Variants in CACNA1E observed in about 807,000 individuals in gnomAD.
CACNA1E encodes the protein calcium voltage-gated channel subunit alpha1 E, also known as voltage-dependent R-type calcium channel subunit alpha-1E.
Under a neutral mutation model 259.2 loss-of-function variants are expected in CACNA1E, and 40 were observed. The observed-to-expected ratio is 0.15, with a 90% CI of 0.12 to 0.20. The LOEUF (loss-of-function observed/expected upper bound fraction) is 0.20. Ranked by LOEUF, CACNA1E falls within the 10% of genes least tolerant of loss-of-function variation. CACNA1E has a pLI of 1.00. For missense variants in CACNA1E, 1,874 were observed against 3,040.1 expected (o/e 0.62, Z 9.02); for synonymous variants, 1,104 against 1,138.5 (o/e 0.97, Z 0.61).
chr1:181,543,988 A>G (rs887940948), intron 3 of CACNA1E, among the ~76,000 whole-genome samples: 2 of 152,202 alleles, frequency 1.3e-5, no homozygotes, highest in Non-Finnish European at 2.9e-5. Context: ...TAAGAGGCAT[A>G]ACATATACCC....
intron 3 of CACNA1E, among the ~76,000 whole-genome samples, chr1:181,550,084 A>G (rs1003332179): frequency 7.4e-4 from 113 of 152,262 alleles, no homozygotes; most frequent in African/African-American, 2.6e-3. Flanking sequence ...TAGGATGACT[A>G]GTTAGGACAC....
chr1:181,792,422 T>C (rs550649016), intron 44 of CACNA1E, among the ~76,000 whole-genome samples: 2 of 152,328 alleles, frequency 1.3e-5, no homozygotes, highest in South Asian at 2.1e-4. Context: ...GCCATGATTG[T>C]GTGTGTGCAT....
chr1:181,756,488 T>C (rs1159041078), intron 29 of CACNA1E, among the ~76,000 whole-genome samples: 1 of 152,110 alleles, frequency 6.6e-6, no homozygotes, highest in East Asian at 1.9e-4. Context: ...AAGAATGAGT[T>C]GGCAAAACCC....
At chr1:181,385,746 T>C (rs1178808469) in intron 1 of CACNA1E, among the ~76,000 whole-genome samples, 1 of 151,792 alleles carries the variant, frequency 6.6e-6, no homozygotes, top group South Asian at 2.1e-4. Context: ...TTCCTTTCCT[T>C]CCTCTTTCCT....
chr1:181,619,488 G>A (rs577183468), intron 6 of CACNA1E, among the ~76,000 whole-genome samples: 1 of 152,126 alleles, frequency 6.6e-6, no homozygotes, highest in Admixed American at 6.5e-5. Flanking sequence ...AACTTGGGGT[G>A]AGTTAGGAAG....
chr1:181,452,880 C>T (rs545747203), intron 2 of CACNA1E, among the ~76,000 whole-genome samples: 1 of 152,308 alleles, frequency 6.6e-6, no homozygotes, highest in South Asian at 2.1e-4. Flanking sequence ...GCCCCAACAC[C>T]CTACCACCTT....
chr1:181,764,788 T>C (rs1658886323), intron 34 of CACNA1E, among the ~76,000 whole-genome samples: 1 of 152,228 alleles, frequency 6.6e-6, no homozygotes, highest in Non-Finnish European at 1.5e-5. Flanking sequence ...TAAAACCTTT[T>C]TTTTTTAGAG....
At chr1:181,739,126 G>T (rs745528290) in intron 24 of CACNA1E, 21 bp from the exon 25 acceptor site, 2 of 1,453,378 alleles carry the variant, frequency 1.4e-6, no homozygotes, top group Non-Finnish European at 1.9e-6. Flanking sequence ...GCTCACTGTG[G>T]CTGTTCATAT....
chr1:181,678,513 T>A (rs947301327), intron 7 of CACNA1E, among the ~76,000 whole-genome samples: 1 of 152,184 alleles, frequency 6.6e-6, no homozygotes. Context: ...TTGCTGCACA[T>A]CTATCTAACA....
At chr1:181,605,813 A>G (rs1433149565) in intron 6 of CACNA1E, among the ~76,000 whole-genome samples, 2 of 152,106 alleles carry the variant, frequency 1.3e-5, no homozygotes, top group Non-Finnish European at 2.9e-5. Flanking sequence ...GCATATAGAG[A>G]TTTCCGGCTT....
At chr1:181,651,499 T>C in intron 7 of CACNA1E, 58 bp downstream of exon 7, 2 of 1,210,944 alleles carry the variant, frequency 1.7e-6, no homozygotes, top group Non-Finnish European at 2.4e-6. Flanking sequence ...TGTAAACTAA[T>C]GCCTCCTGAC....
intron 18 of CACNA1E, among the ~76,000 whole-genome samples, chr1:181,729,326 C>T (rs1457946928): frequency 6.6e-6 from 1 of 150,976 alleles, no homozygotes; most frequent in Non-Finnish European, 1.5e-5. Flanking sequence ...CACCAGTGTG[C>T]GTACATTGCT....
Position 181,798,795 on chromosome 1 carries a change from C to A in CACNA1E, c.6903C>A (p.Asn2301Lys). The A allele has an allele frequency of 6.4e-7, 1 of 1,550,928 alleles. No homozygotes were observed. Reference protein sequence around the residue: ...PGPGMMCGAVNNLLSDTEEDD... With the variant: ...PGPGMMCGAVKNLLSDTEEDD... ...CAGGCATGATGTGTGGGGCTGTCAA[C>A]AACCTGCTAAGTGACACGGAAGAAG... The change falls in exon 48 of 48, where the codon AAC becomes AAA. Residue 2301 changes from asparagine (N) to lysine (K), a missense_variant. Physicochemically the swap from Asn to Lys is moderately conservative, Grantham distance 94. Coordinates refer to ENST00000367573, the MANE Select transcript of CACNA1E (RefSeq NM_001205293.3). This position sits in a 1 kb window ranked among gnomAD's most constrained non-coding sequence, Gnocchi z 4.2.
chr1:181,484,464 G>A (rs1472431995), intron 1 of CACNA1E, among the ~76,000 whole-genome samples: 1 of 152,230 alleles, frequency 6.6e-6, no homozygotes, highest in Admixed American at 6.5e-5. Flanking sequence ...GGGAAGTCAA[G>A]GCTCCATGAG....
At chr1:181,558,297 C>T (rs1648953230) in intron 3 of CACNA1E, among the ~76,000 whole-genome samples, 1 of 152,164 alleles carries the variant, frequency 6.6e-6, no homozygotes. Flanking sequence ...AGATCATATC[C>T]AACTTGAAGT....
At chr1:181,646,050 CTG>C (rs1658236913) in intron 6 of CACNA1E, among the ~76,000 whole-genome samples, 1 of 152,146 alleles carries the variant, frequency 6.6e-6, no homozygotes. Flanking sequence ...ACTCACTGCT[CTG>C]TGAATTTTCC....
At chr1:181,520,038 G>C (rs750772705) in intron 3 of CACNA1E, among the ~76,000 whole-genome samples, 1 of 152,186 alleles carries the variant, frequency 6.6e-6, no homozygotes, top group Non-Finnish European at 1.5e-5. Context: ...AAAGAGGATA[G>C]TGATGATGTT....
chr1:181,468,035 GTCTTT>G (rs1254219071), intron 2 of CACNA1E, among the ~76,000 whole-genome samples: 1 of 152,128 alleles, frequency 6.6e-6, no homozygotes, highest in African/African-American at 2.4e-5. Flanking sequence ...TTCTCTACAT[GTCTTT>G]TCTTATCTGC....
chr1:181,428,240 C>T (rs893620287), intron 2 of CACNA1E, among the ~76,000 whole-genome samples: 4 of 152,228 alleles, frequency 2.6e-5, no homozygotes, highest in Non-Finnish European at 1.5e-5. Context: ...TGTGTTATCT[C>T]TCTGGCCCCA....
Sources: allele counts gnomAD v4.1 joint callset (sites outside exome capture counted in the v4.1 genomes callset), GRCh38; gene constraint gnomAD v4.1.1; non-coding constraint Gnocchi (gnomAD v3.1); transcripts MANE v1.5; gene names NCBI Gene and HGNC (gene_info 2026-07-23, HGNC 2026-07-21).